Variants in LGSN observed in about 807,000 individuals in gnomAD.
LGSN encodes lengsin.
Under a neutral mutation model 19.5 loss-of-function variants are expected in LGSN, and 21 were observed. The ratio of observed to expected loss-of-function variants is 1.07; its 90% confidence interval spans 0.76 to 1.55. The LOEUF is 1.55. Among genes scored for constraint, LGSN ranks in the 40% most tolerant of loss-of-function variants. The pLI is 0.00. For synonymous variants in LGSN, 257 were observed against 215.6 expected (o/e 1.19, Z -1.68); for missense variants, 673 against 608.5 (o/e 1.11, Z -1.12).
At chr6:63,549,903 A>G in the LGSN span, among the ~76,000 whole-genome samples, 152 of 152,324 alleles carry the variant, frequency 1.0e-3, no homozygotes, top group Middle Eastern at 3.4e-3. Context: ...TAGCATTGTA[A>G]GATGCCTATA....
the LGSN span, chr6:63,572,143 C>G: frequency 6.6e-6 from 1 of 152,440 alleles, no homozygotes; most frequent in African/African-American, 2.4e-5. Context: ...ACTCCTGGAC[C>G]GTTTTAATTA....
the LGSN span, among the ~76,000 whole-genome samples, chr6:63,392,972 C>T: frequency 6.1e-5 from 9 of 146,374 alleles, no homozygotes; most frequent in South Asian, 1.1e-3. Flanking sequence ...CTGCAAGCTC[C>T]GCCTCCCGGG....
chr6:63,463,784 T>C, the LGSN span, among the ~76,000 whole-genome samples: 1,577 of 152,262 alleles, frequency 0.01, 9 homozygotes, highest in Non-Finnish European at 0.015. Context: ...AAACCTGAAA[T>C]TTAATAGTGC....
the LGSN span, among the ~76,000 whole-genome samples, chr6:63,481,582 G>T: frequency 9.9e-5 from 15 of 151,870 alleles, no homozygotes; most frequent in African/African-American, 3.6e-4. Flanking sequence ...TCCTGACCTC[G>T]TGATCCGCCC....
At chr6:63,439,372 A>G in the LGSN span, among the ~76,000 whole-genome samples, 2 of 152,094 alleles carry the variant, frequency 1.3e-5, no homozygotes, top group African/African-American at 2.4e-5. Context: ...ACAATTAAAA[A>G]TAATAATAAT....
the LGSN span, among the ~76,000 whole-genome samples, chr6:63,510,965 G>A: frequency 2.2e-4 from 34 of 151,894 alleles, no homozygotes; most frequent in Admixed American, 3.9e-4. Flanking sequence ...ATGAGCCACC[G>A]CTCCCGGTCA....
the LGSN span, among the ~76,000 whole-genome samples, chr6:63,480,811 A>G: frequency 3.1e-5 from 4 of 130,242 alleles, no homozygotes; most frequent in African/African-American, 1.0e-4. Context: ...AAGGAAAAGA[A>G]GTCATTATAT....
chr6:63,551,938 A>C, the LGSN span, among the ~76,000 whole-genome samples: 1 of 152,220 alleles, frequency 6.6e-6, no homozygotes, highest in Admixed American at 6.5e-5. Context: ...AATCCAGTCT[A>C]TCACTGATGG....
the LGSN span, among the ~76,000 whole-genome samples, chr6:63,535,491 A>G: frequency 6.6e-6 from 1 of 152,114 alleles, no homozygotes; most frequent in Non-Finnish European, 1.5e-5. Flanking sequence ...AAGCAATAAT[A>G]TGCATTTCCC....
the LGSN span, among the ~76,000 whole-genome samples, chr6:63,519,837 C>T: frequency 6.6e-6 from 1 of 152,162 alleles, no homozygotes. Context: ...TCCTGAAATT[C>T]AATCATCAAT....
the LGSN span, among the ~76,000 whole-genome samples, chr6:63,434,268 G>A: frequency 2.6e-5 from 4 of 151,806 alleles, no homozygotes; most frequent in African/African-American, 4.8e-5. Flanking sequence ...GTGAAACTCC[G>A]TCCCTACTAA....
At chr6:63,538,469 A>G in the LGSN span, among the ~76,000 whole-genome samples, 2 of 152,226 alleles carry the variant, frequency 1.3e-5, no homozygotes, top group Non-Finnish European at 2.9e-5. Flanking sequence ...AGATTAGTTT[A>G]ATTTGAATTC....
chr6:63,351,566 C>T, the LGSN span, among the ~76,000 whole-genome samples: 31 of 152,114 alleles, frequency 2.0e-4, no homozygotes, highest in Middle Eastern at 3.2e-3. Flanking sequence ...TCAAGTGATT[C>T]TTGTGCCTCA....
the LGSN span, among the ~76,000 whole-genome samples, chr6:63,501,232 G>A: frequency 6.6e-6 from 1 of 151,868 alleles, no homozygotes; most frequent in African/African-American, 2.4e-5. Flanking sequence ...AATTAGCCAG[G>A]CGTAGTGTAG....
At chr6:63,334,900 A>G in the LGSN span, among the ~76,000 whole-genome samples, 2 of 152,040 alleles carry the variant, frequency 1.3e-5, no homozygotes, top group African/African-American at 4.8e-5. Context: ...GCACTTTGGG[A>G]GGCTGAGGAG....
chr6:63,408,358 C>T, the LGSN span, among the ~76,000 whole-genome samples: 1 of 147,468 alleles, frequency 6.8e-6, no homozygotes, highest in Non-Finnish European at 1.5e-5. Flanking sequence ...CAGAACAGAG[C>T]CCTCAGAAAT....
intron 1 of LGSN, 36 bp downstream of exon 1, chr6:63,319,878 T>G: frequency 6.7e-7 from 1 of 1,486,454 alleles, no homozygotes; most frequent in African/African-American, 1.4e-5. Context: ...ACTGTCAATA[T>G]TTTGGTTAAA....
the LGSN span, among the ~76,000 whole-genome samples, chr6:63,513,220 G>A: frequency 2.6e-5 from 4 of 152,118 alleles, no homozygotes; most frequent in Admixed American, 2.6e-4. Flanking sequence ...AAATGGTAAA[G>A]GACACTTTTT....
the LGSN span, among the ~76,000 whole-genome samples, chr6:63,415,568 C>G: frequency 6.6e-6 from 1 of 152,176 alleles, no homozygotes; most frequent in African/African-American, 2.4e-5. Flanking sequence ...ATGGCATGGG[C>G]GAAAGCGCCC....
Sources: gnomAD v4.1 joint callset for allele counts (sites outside exome capture counted in the v4.1 genomes callset) on GRCh38, gnomAD v4.1.1 for gene constraint, MANE v1.5 for transcripts, NCBI Gene and HGNC (gene_info 2026-07-23, HGNC 2026-07-21) for gene names.